POLR1A: variants seen among roughly 807,000 people sequenced by gnomAD.
The protein encoded by POLR1A is DNA-directed RNA polymerase I subunit RPA1.
In POLR1A, 84 loss-of-function variants were observed where a neutral mutation model predicts 205.3. The observed-to-expected ratio is 0.41, with a 90% CI of 0.34 to 0.49. POLR1A has a LOEUF of 0.49. Among genes scored for constraint, POLR1A ranks in the 20% least tolerant of loss-of-function variants. POLR1A has a pLI of 0.22. For missense variants in POLR1A, 1,645 were observed against 2,204.5 expected, an observed-to-expected ratio of 0.75 and a Z score of 5.08; for synonymous variants, 799 against 863.7, an observed-to-expected ratio of 0.93 and a Z score of 1.31.
In POLR1A at chr2:86,028,609, C is replaced by T; in HGVS notation, c.4882G>A (p.Val1628Met). 2.5e-6 allele frequency: 4 copies of T among 1,613,582 alleles called. No individual in the cohort carries two copies. The highest frequency in any genetic ancestry group is 3.4e-6 in the Non-Finnish European group (4 of 1,179,422). The change falls in exon 32 of 34, where the codon GTG becomes ATG. Residue 1628 changes from valine (V) to methionine (M), a missense_variant. Val to Met is a conservative substitution (Grantham distance 21). This residue lies in a region of POLR1A where 86 missense variants were observed against 149.8 expected (regional missense o/e 0.57). Transcript: ENST00000263857. The surrounding 1 kb of genome is among the most constrained non-coding windows in gnomAD (Gnocchi z 4.5). ...CTCCCCTTACCATACACGGCAAACA[C>T]ATCCTTGATCTCCTTCTCGATCACC... ...LRVIEKEIKD[V>M]FAVYGIAVDP...
chr2:86,076,997 T>G (rs1673297176), intron 11 of POLR1A, among the ~76,000 whole-genome samples: 1 of 152,152 alleles, frequency 6.6e-6, no homozygotes, highest in Non-Finnish European at 1.5e-5. Flanking sequence ...TGCTGTCTCC[T>G]GACACATCAC....
intron 14 of POLR1A, among the ~76,000 whole-genome samples, chr2:86,055,294 C>CAAAAAAAAA (rs1265267243): frequency 5.3e-5 from 8 of 150,978 alleles, no homozygotes; most frequent in East Asian, 2.0e-4. Flanking sequence ...AACTCTGTCT[C>CAAAAAAAAA]AAGAAAAAAA....
At chr2:86,029,757 C>T (rs934422823) in intron 31 of POLR1A, among the ~76,000 whole-genome samples, 2 of 150,122 alleles carry the variant, frequency 1.3e-5, no homozygotes, top group South Asian at 2.1e-4. Context: ...TCACCATGCC[C>T]GGCTATTTTT....
At chr2:86,066,683 A>C (rs1673088739) in intron 13 of POLR1A, among the ~76,000 whole-genome samples, 1 of 152,230 alleles carries the variant, frequency 6.6e-6, no homozygotes, top group Non-Finnish European at 1.5e-5. Context: ...GAAGCACCAG[A>C]AATTTAACCA....
chr2:86,057,255 A>G (rs60719866), intron 14 of POLR1A, among the ~76,000 whole-genome samples: 8,934 of 152,270 alleles, frequency 0.059, 499 homozygotes, highest in East Asian at 0.33. Context: ...TGGCAGCAGT[A>G]GTAGAAATAG....
rs780264268 is a variant in POLR1A, at chr2:86,088,651, G to A, written c.645C>T (p.Val215=). 4.6e-5 allele frequency: 75 copies of A among 1,613,844 alleles called. No individual in the cohort carries two copies. Among genetic ancestry groups the A allele is most frequent in the Non-Finnish European group, 6.1e-5 (72 of 1,179,838 alleles). Residue 215 remains valine (V), a synonymous_variant, in exon 6 of 34, where the codon GTC becomes GTT. Coordinates refer to ENST00000263857, the MANE Select transcript of POLR1A (RefSeq NM_015425.6). ...TCAACTTGCTGTTGTGTTCCTTTCGGACAACGGATCGCCCGGTCCTGTGCA... is the reference window on the plus strand; with the variant it reads ...TCAACTTGCTGTTGTGTTCCTTTCGAACAACGGATCGCCCGGTCCTGTGCA... ...CPHCKTGRSV[V]RKEHNSKLTI... is the part of the protein sequence containing the mutation.
Position 86,031,712 on chromosome 2 carries a change from C to T in POLR1A, c.4273-77G>A, listed in dbSNP as rs761448420. On this transcript the variant is annotated intron_variant, in intron 29 of 33. Coordinates refer to ENST00000263857, the MANE Select transcript of POLR1A (RefSeq NM_015425.6). ...TGGACTCTGCCTGTGGAACAAAGACCCCTGCAAAGCCTTGGCTGGCCTGGG... is the reference window on the plus strand; with the variant it reads ...TGGACTCTGCCTGTGGAACAAAGACTCCTGCAAAGCCTTGGCTGGCCTGGG... 2.0e-4 allele frequency: 312 copies of T among 1,544,518 alleles called. 1 individual carries two copies. The highest frequency in any genetic ancestry group is 2.5e-4 in the Non-Finnish European group (289 of 1,144,436).
In POLR1A at chr2:86,028,633, C is replaced by T; in HGVS notation, c.4858G>A (p.Val1620Met). ...NTYGIEAALR[V>M]IEKEIKDVFA... Reference sequence around the variant, plus strand: ...ACATCCTTGATCTCCTTCTCGATCACCCGCAGCGCGGCCTCAATGCCATAC... The same window carrying T: ...ACATCCTTGATCTCCTTCTCGATCATCCGCAGCGCGGCCTCAATGCCATAC... The change falls in exon 32 of 34, where the codon GTG (valine) becomes ATG (methionine). Residue 1620 changes from valine (V) to methionine (M), a missense_variant. Coordinates refer to ENST00000263857, the MANE Select transcript of POLR1A (RefSeq NM_015425.6). The surrounding 1 kb of genome is among the most constrained non-coding windows in gnomAD (Gnocchi z 4.5). 1 of 1,614,200 alleles carries T rather than the reference C, an allele frequency of 6.2e-7. No homozygotes were observed. The highest frequency in any genetic ancestry group is 8.5e-7 in the Non-Finnish European group (1 of 1,180,000).
At chr2:86,049,915 T>TG in intron 16 of POLR1A, among the ~76,000 whole-genome samples, 1 of 152,056 alleles carries the variant, frequency 6.6e-6, no homozygotes, top group African/African-American at 2.4e-5. Flanking sequence ...ACTAGTGTTT[T>TG]TTTTTTTGTT....
At chr2:86,040,827 C>T (rs1672587202) in intron 24 of POLR1A, among the ~76,000 whole-genome samples, 1 of 152,138 alleles carries the variant, frequency 6.6e-6, no homozygotes, top group Non-Finnish European at 1.5e-5. Flanking sequence ...CAGAATGTCA[C>T]ATATCCACTC....
At chr2:86,084,665 CT>C (rs546893329) in intron 6 of POLR1A, among the ~76,000 whole-genome samples, 35,661 of 127,510 alleles carry the variant, frequency 0.28, 5,098 homozygotes, top group East Asian at 0.46. Flanking sequence ...TTGCCTTTTC[CT>C]TTTTTTTTTT....
intron 14 of POLR1A, among the ~76,000 whole-genome samples, chr2:86,062,908 T>C (rs943065943): frequency 2.6e-5 from 4 of 152,178 alleles, no homozygotes; most frequent in Non-Finnish European, 5.9e-5. Flanking sequence ...ATGAACAACT[T>C]TGTGCCTATA....
In POLR1A at chr2:86,047,281, A is replaced by G. The variant is rs772981388; in HGVS notation, c.2635-18T>C. ...ATGCATGCCTGCAGATTAAATCAGC[A>G]CAGTGGTCAGTGACTTCACCTTCTT... On this transcript the variant is annotated intron_variant, in intron 18 of 33. Transcript: ENST00000263857. 2.9e-5 allele frequency: 45 copies of G among 1,556,894 alleles called. No individual in the cohort carries two copies. Among genetic ancestry groups the G allele is most frequent in the Non-Finnish European group, 3.9e-5 (44 of 1,129,138 alleles).
rs1037307516 is a variant in POLR1A, at chr2:86,049,377, ACAT to A, written c.2393-138_2393-136del. On this transcript the variant is annotated intron_variant, in intron 16 of 33. Transcript: ENST00000263857. The stretch of plus-strand genomic sequence containing the variant: ...TACCTGAGTAAGGAAGATGATATTA[ACAT>A]CATTATTAACAGATTGCCACCATCT... 4.6e-6 allele frequency: 3 copies of A among 654,268 alleles called. No homozygotes were observed. The African/African-American group carries it at 5.4e-5, about 12-fold the overall frequency. 40.5% of individuals were successfully genotyped at this position (654,268 alleles called of 1,614,324 possible). A position where few individuals can be genotyped will look rare whatever the true frequency, so the allele number is the denominator to read the frequency against.
chr2:86,074,000 G>C (rs921500748), intron 12 of POLR1A, among the ~76,000 whole-genome samples: 17 of 152,222 alleles, frequency 1.1e-4, no homozygotes, highest in Non-Finnish European at 2.2e-4. Context: ...CACTAGAGAA[G>C]AACAAAAGAG....
chr2:86,048,658 C>A (rs1270141981), intron 18 of POLR1A, among the ~76,000 whole-genome samples: 1 of 152,214 alleles, frequency 6.6e-6, no homozygotes, highest in African/African-American at 2.4e-5. Flanking sequence ...ACAAAGCATT[C>A]TCTCTTGGCA....
chr2:86,105,610 A>C (rs1403563357), intron 1 of POLR1A, 90 bp downstream of exon 1: 7 of 830,962 alleles, frequency 8.4e-6, no homozygotes, highest in Non-Finnish European at 1.4e-5. Flanking sequence ...ACTCAAGAGG[A>C]TAGACTGGGC....
intron 1 of POLR1A, among the ~76,000 whole-genome samples, chr2:86,102,259 T>C (rs541614597): frequency 6.6e-6 from 1 of 152,348 alleles, no homozygotes; most frequent in East Asian, 1.9e-4. Context: ...ACTAATGGTG[T>C]ACAAAAAGCT....
chr2:86,096,710 C>G (rs1164570182), intron 3 of POLR1A, among the ~76,000 whole-genome samples: 3 of 152,120 alleles, frequency 2.0e-5, no homozygotes, highest in Non-Finnish European at 4.4e-5. Context: ...GCTGGGAAAA[C>G]TAGATATCCA....
Sources: allele counts gnomAD v4.1 joint callset (sites outside exome capture counted in the v4.1 genomes callset), GRCh38; gene constraint gnomAD v4.1.1; regional missense constraint gnomAD v4.1.1; non-coding constraint Gnocchi (gnomAD v3.1); transcripts MANE v1.5; gene names NCBI Gene and HGNC (gene_info 2026-07-23, HGNC 2026-07-21).